The following CALHM3 variants were observed in gnomAD, a reference collection of about 807,000 sequenced individuals.
CALHM3 encodes calcium homeostasis modulator 3.
CALHM3 carries 9 observed loss-of-function variants against 13.6 expected under a neutral mutation model. That is an observed-to-expected ratio of 0.66 (90% CI 0.40 to 1.15). CALHM3 has a LOEUF of 1.15. CALHM3 is among the 50% of genes most tolerant of loss of function. The pLI, the probability that CALHM3 is intolerant of heterozygous loss-of-function variation, is 0.01. For synonymous variants in CALHM3, 231 were observed against 213.2 expected, an observed-to-expected ratio of 1.08 and a Z score of -0.73; for missense variants, 497 against 463.4, an observed-to-expected ratio of 1.07 and a Z score of -0.67.
At chr10:103,474,012 T>G (rs923204889) in intron 2 of CALHM3, among the ~76,000 whole-genome samples, 8 of 152,216 alleles carry the variant, frequency 5.3e-5, no homozygotes, top group African/African-American at 1.9e-4. Context: ...CCCTGTGTCC[T>G]TGTAAATTTA....
In CALHM3 at chr10:103,473,777, G is replaced by C. The variant is rs1050154162; in HGVS notation, c.544-73C>G. 5.8e-6 allele frequency: 8 copies of C among 1,381,490 alleles called. No homozygotes were observed. The East Asian group carries it at 2.0e-4, about 35-fold the overall frequency. The allele number at this position is 1,381,490 out of a possible 1,614,324, so 85.6% of individuals were successfully genotyped here. On this transcript the variant is annotated intron_variant, in intron 2 of 2. Coordinates refer to ENST00000369783, the MANE Select transcript of CALHM3 (RefSeq NM_001129742.2). ...TATATACATATGTATTTATGAATAC[G>C]TATATGAATGTTGCATATTTAATTT...
In CALHM3 at chr10:103,478,084, T is replaced by C. The variant is rs140143588; in HGVS notation, c.287+662A>G. Among the ~76,000 whole-genome samples, 434 of 152,314 alleles carry C rather than the reference T, an allele frequency of 2.8e-3. 4 individuals are homozygous for C. The highest frequency in any genetic ancestry group is 0.015 in the South Asian group (74 of 4,830). ...CTGACCTACCTAGTTTCATTGTAGA[T>C]CATAAGACTCCCTTCTAGAGAGGGT... On this transcript the variant is annotated intron_variant, in intron 1 of 2. Coordinates refer to ENST00000369783, the MANE Select transcript of CALHM3 (RefSeq NM_001129742.2).
chr10:103,473,777 G>T (rs1050154162), intron 2 of CALHM3, 73 bp from the exon 3 acceptor site: 8 of 1,381,606 alleles, frequency 5.8e-6, no homozygotes, highest in Non-Finnish European at 7.6e-6. Context: ...TTATGAATAC[G>T]TATATGAATG....
rs1345823697 is a variant in CALHM3, at chr10:103,473,602, A to G, written c.646T>C (p.Trp216Arg). The G allele has an allele frequency of 2.6e-6, 4 of 1,551,386 alleles. No homozygotes were observed. The Middle Eastern group carries it at 5.0e-4, about 194-fold the overall frequency. The change falls in exon 3 of 3, where the codon TGG (tryptophan) becomes CGG (arginine). Residue 216 changes from tryptophan to arginine, a missense_variant. Physicochemically the swap from Trp to Arg is moderately radical, Grantham distance 101. Transcript: ENST00000369783. ...TGCTCCAGGTCCACGTAGTTGCTCCAGTATCTGCGCTGCAGGAAGACTGTC... is the reference window on the plus strand; with the variant it reads ...TGCTCCAGGTCCACGTAGTTGCTCCGGTATCTGCGCTGCAGGAAGACTGTC... ...DQTVFLQRRY[W>R]SNYVDLEQKL...
rs1229641185 is a variant in CALHM3, at chr10:103,478,923, AAGG to A, written c.107_109del (p.Ser36del). The stretch of plus-strand genomic sequence containing the variant: ...CACCAGGCAGGGACAGTTGAAGTCA[AAGG>A]AGGAGTACAGCTTGACGGTGACCGC... On this transcript the variant is annotated inframe_deletion, in exon 1 of 3. Transcript: ENST00000369783. 3.2e-6 allele frequency: 5 copies of A among 1,551,638 alleles called. No individual in the cohort carries two copies. The highest frequency in any genetic ancestry group is 2.7e-5 in the African/African-American group (2 of 73,068).
chr10:103,473,744 C>T (rs1341851434), intron 2 of CALHM3, 40 bp from the exon 3 acceptor site: 4 of 1,505,256 alleles, frequency 2.7e-6, no homozygotes, highest in Non-Finnish European at 3.5e-6. Flanking sequence ...GTGAGTGGGG[C>T]CTAATCCTAT....
Position 103,473,256 on chromosome 10 carries a change from G to C in CALHM3, c.992C>G (p.Thr331Ser), listed in dbSNP as rs2033342787. The C allele has an allele frequency of 2.1e-6, 3 of 1,447,228 alleles. No individual in the cohort carries two copies. The highest frequency in any genetic ancestry group is 2.7e-6 in the Non-Finnish European group (3 of 1,097,150). The allele number at this position is 1,447,228 out of a possible 1,614,324, so 89.6% of individuals were successfully genotyped here. The part of the protein sequence containing the change: ...CGGGLSHRAP[T>S]LALGTRLSQH... Reference sequence around the variant, plus strand: ...TGACAGCCTCGTGCCCAGTGCCAAGGTAGGGGCGCGGTGGCTAAGGCCACC... The same window carrying C: ...TGACAGCCTCGTGCCCAGTGCCAAGCTAGGGGCGCGGTGGCTAAGGCCACC... Residue 331 changes from threonine (T) to serine (S), a missense_variant, in exon 3 of 3, where the codon ACC becomes AGC. By Grantham distance (58) the Thr-to-Ser change is moderately conservative. Coordinates refer to ENST00000369783, the MANE Select transcript of CALHM3 (RefSeq NM_001129742.2).
In CALHM3 at chr10:103,473,110, T is replaced by C; in HGVS notation, c.*103A>G. On this transcript the variant is annotated 3_prime_UTR_variant, in exon 3 of 3. Coordinates refer to ENST00000369783, the MANE Select transcript of CALHM3 (RefSeq NM_001129742.2). ...CTTTAAAAAGGAGGCTAACAAGACTTAGGGTGCCTGCCGTGGGGTCCCCAC... is the reference window on the plus strand; with the variant it reads ...CTTTAAAAAGGAGGCTAACAAGACTCAGGGTGCCTGCCGTGGGGTCCCCAC... 1 of 1,201,238 alleles carries C rather than the reference T, an allele frequency of 8.3e-7. No homozygotes were observed. Among genetic ancestry groups the C allele is most frequent in the East Asian group, 3.1e-5 (1 of 31,784 alleles). The allele number at this position is 1,201,238 out of a possible 1,614,324, so 74.4% of individuals were successfully genotyped here. A position where few individuals can be genotyped will look rare whatever the true frequency, so the allele number is the denominator to read the frequency against.
Position 103,476,525 on chromosome 10 carries a change from C to G in CALHM3, c.312G>C (p.Gln104His), listed in dbSNP as rs748436945. 7.7e-6 allele frequency: 12 copies of G among 1,551,566 alleles called. No individual in the cohort carries two copies. Among genetic ancestry groups the G allele is most frequent in the Non-Finnish European group, 1.0e-5 (12 of 1,147,002 alleles). Residue 104 changes from glutamine (Q) to histidine (H), a missense_variant, in exon 2 of 3, where the codon CAG becomes CAC. Physicochemically the swap from Gln to His is conservative, Grantham distance 24. Transcript: ENST00000369783. ...IIRYMCSSVL[Q>H]RALAAPLVWI... ...AGACCAGGGGGGCGGCCAGCGCCCT[C>G]TGCAGCACAGAGGAGCACATGTACC...
In CALHM3 at chr10:103,478,723, C is replaced by T. The variant is rs184388108; in HGVS notation, c.287+23G>A. 12 of 1,493,422 alleles carry T rather than the reference C, an allele frequency of 8.0e-6. No individual in the cohort carries two copies. In the East Asian group the frequency reaches 1.2e-4, roughly 15 times the overall value. 92.5% of individuals were successfully genotyped at this position (1,493,422 alleles called of 1,614,324 possible). On this transcript the variant is annotated intron_variant, in intron 1 of 2. Coordinates refer to ENST00000369783, the MANE Select transcript of CALHM3 (RefSeq NM_001129742.2). ...GGAGCCCCTGGCAAAGCTCATGGGTCACTGAGTGGTGTGGGACCGCACCTG... is the reference window on the plus strand; with the variant it reads ...GGAGCCCCTGGCAAAGCTCATGGGTTACTGAGTGGTGTGGGACCGCACCTG...
At chr10:103,474,837 T>C (rs2033371208) in intron 2 of CALHM3, among the ~76,000 whole-genome samples, 1 of 152,236 alleles carries the variant, frequency 6.6e-6, no homozygotes, top group Admixed American at 6.5e-5. Context: ...CACTGTGCTA[T>C]ATTTTGTGGG....
chr10:103,475,756 G>A (rs1564795617), intron 2 of CALHM3, among the ~76,000 whole-genome samples: 1 of 152,204 alleles, frequency 6.6e-6, no homozygotes, highest in Non-Finnish European at 1.5e-5. Flanking sequence ...CTCAGTGCTG[G>A]GGCTGTAGGA....
At chr10:103,475,743 C>T (rs1182047520) in intron 2 of CALHM3, among the ~76,000 whole-genome samples, 1 of 152,156 alleles carries the variant, frequency 6.6e-6, no homozygotes, top group Non-Finnish European at 1.5e-5. Flanking sequence ...TTGGTGGACA[C>T]AACTCAGTGC....
intron 2 of CALHM3, 26 bp downstream of exon 2, chr10:103,476,268 G>A: frequency 6.5e-7 from 1 of 1,550,146 alleles, no homozygotes; most frequent in Non-Finnish European, 8.7e-7. Context: ...AGGGTGCAAG[G>A]GCCGGGGGAG....
At chr10:103,477,777 T>C (rs1274112851) in intron 1 of CALHM3, among the ~76,000 whole-genome samples, 1 of 152,158 alleles carries the variant, frequency 6.6e-6, no homozygotes, top group Admixed American at 6.5e-5. Context: ...TTTGCCATGT[T>C]GGCCAGAGTG....
Position 103,478,800 on chromosome 10 carries a change from A to AC in CALHM3, c.232dup (p.Val78GlyfsTer43). 1 of 1,551,232 alleles carries AC rather than the reference A, an allele frequency of 6.4e-7. No homozygotes were observed. Among genetic ancestry groups the AC allele is most frequent in the Non-Finnish European group, 8.7e-7 (1 of 1,146,856 alleles). On this transcript the variant is annotated frameshift_variant, in exon 1 of 3. Coordinates refer to ENST00000369783, the MANE Select transcript of CALHM3 (RefSeq NM_001129742.2). LOFTEE classifies it high-confidence loss of function. Reference sequence around the variant, plus strand: ...CCCTGCGGGCCGGCGCCACTCCTCGACCATCACCACAGACTGCCGGTTGGC... The same window carrying AC: ...CCCTGCGGGCCGGCGCCACTCCTCGACCCATCACCACAGACTGCCGGTTGGC...
At chr10:103,473,964 A>G (rs963840832) in intron 2 of CALHM3, among the ~76,000 whole-genome samples, 2 of 152,230 alleles carry the variant, frequency 1.3e-5, no homozygotes, top group Non-Finnish European at 2.9e-5. Flanking sequence ...ACGCAAAGAA[A>G]ATTGTGTGAT....
rs370132122 is a variant in CALHM3 at position 103,479,166 on chromosome 10, G to C, written c.-134C>G. The stretch of plus-strand genomic sequence containing the variant: ...TCTCTCTGCTTCCAAGGGCCTGAGG[G>C]GCCAAGGAGGAAGCAGTGCCCAGGC... On this transcript the variant is annotated 5_prime_UTR_variant, in exon 1 of 3. Transcript: ENST00000369783. 29 of 1,052,040 alleles carry C rather than the reference G, an allele frequency of 2.8e-5. No individual in the cohort carries two copies. The African/African-American group carries it at 4.2e-4, about 15-fold the overall frequency. The allele number at this position is 1,052,040 out of a possible 1,614,324, so 65.2% of individuals were successfully genotyped here. A position where few individuals can be genotyped will look rare whatever the true frequency, so the allele number is the denominator to read the frequency against.
At chr10:103,478,699 G>A in intron 1 of CALHM3, 47 bp downstream of exon 1, 1 of 1,466,182 alleles carries the variant, frequency 6.8e-7, no homozygotes, top group Non-Finnish European at 9.1e-7. Flanking sequence ...GGTGGCTGGG[G>A]AGCCCCTGGC....
Sources: gnomAD v4.1 joint callset for allele counts (sites outside exome capture counted in the v4.1 genomes callset) on GRCh38, gnomAD v4.1.1 for gene constraint, MANE v1.5 for transcripts, NCBI Gene and HGNC (gene_info 2026-07-23, HGNC 2026-07-21) for gene names.